Variants in TDRD1 observed in about 807,000 individuals in gnomAD.
TDRD1 encodes tudor domain-containing protein 1.
Under a neutral mutation model 140.6 loss-of-function variants are expected in TDRD1, and 37 were observed. The observed-to-expected ratio is 0.26, with a 90% CI of 0.20 to 0.35. TDRD1 has a LOEUF of 0.35. Ranked by LOEUF, TDRD1 falls within the 10% of genes least tolerant of loss-of-function variation. The pLI is 1.00. For missense variants in TDRD1, 1,243 were observed against 1,393.0 expected (o/e 0.89, Z 1.71); for synonymous variants, 506 against 475.7 (o/e 1.06, Z -0.83).
chr10:114,218,279 A>C (rs1237430039), intron 17 of TDRD1, 135 bp from the exon 18 acceptor site: 2 of 560,772 alleles, frequency 3.6e-6, no homozygotes, highest in Non-Finnish European at 6.0e-6. Context: ...ATTTTGAAAA[A>C]TGAAAGGCGT....
intron 6 of TDRD1, 136 bp downstream of exon 6, chr10:114,202,434 A>G: frequency 1.8e-6 from 1 of 553,968 alleles, no homozygotes; most frequent in Non-Finnish European, 3.0e-6. Context: ...TATGTACACC[A>G]TAGTGATACA....
rs957906452 is a variant in TDRD1 at position 114,202,213 on chromosome 10, A to T, written c.636-25A>T. On this transcript the variant is annotated intron_variant, in intron 5 of 25. Coordinates refer to ENST00000251864, the Ensembl canonical transcript of TDRD1. ...TGTTAATTGCCTCTGTAGTATAAAT[A>T]TTGTAATCTGTTGCTTTATTGCAGT... 8.8e-6 allele frequency: 14 copies of T among 1,583,200 alleles called. No homozygotes were observed. In the Admixed American group the frequency reaches 1.7e-4, roughly 20 times the overall value.
exon 9 of TDRD1, chr10:114,204,156 A>G: frequency 6.2e-7 from 1 of 1,601,822 alleles, no homozygotes. Context: ...GAAATGAAGA[A>G]ATAATTCCAT....
At chr10:114,209,597 T>G (rs1240721360) in intron 11 of TDRD1, among the ~76,000 whole-genome samples, 1 of 152,252 alleles carries the variant, frequency 6.6e-6, no homozygotes. Flanking sequence ...TTGGCTACTG[T>G]TTTGAGCCAA....
At chr10:114,189,693 A>G (rs949478317) in intron 2 of TDRD1, among the ~76,000 whole-genome samples, 2 of 152,144 alleles carry the variant, frequency 1.3e-5, no homozygotes, top group Non-Finnish European at 2.9e-5. Context: ...CTGGGCACAA[A>G]CGATCCTCCT....
At chr10:114,202,845 C>G (rs752331574) in intron 6 of TDRD1, among the ~76,000 whole-genome samples, 3 of 152,188 alleles carry the variant, frequency 2.0e-5, no homozygotes. Context: ...TAAAGTCAAC[C>G]TTCTCTTCAC....
At position 114,222,576 on chromosome 10, in the gene TDRD1, A is replaced by T. The variant is rs1344719974; in HGVS notation, c.2891-11A>T. ...ATTTTCTTCACAAAAGATTGCTTTTATATATTTTAGAAAATCAGGAAAAGC... is the reference window on the plus strand; with the variant it reads ...ATTTTCTTCACAAAAGATTGCTTTTTTATATTTTAGAAAATCAGGAAAAGC... On this transcript the variant is annotated splice_polypyrimidine_tract_variant and intron_variant, in intron 20 of 25. Coordinates refer to ENST00000251864, the Ensembl canonical transcript of TDRD1. 1 of 1,555,092 alleles carries T rather than the reference A, an allele frequency of 6.4e-7. No homozygotes were observed. The highest frequency in any genetic ancestry group is 8.8e-7 in the Non-Finnish European group (1 of 1,130,494).
At chr10:114,175,227 A>G (rs1490836725), upstream of TDRD1, among the ~76,000 whole-genome samples, 1 of 152,218 alleles carries the variant, frequency 6.6e-6, no homozygotes, top group Non-Finnish European at 1.5e-5. Context: ...CTAGGGAGAC[A>G]TTAATCCAAG....
In TDRD1 at chr10:114,221,493, T is replaced by G. The variant is rs568513337; in HGVS notation, c.2890+17T>G. On this transcript the variant is annotated intron_variant, in intron 20 of 25. Coordinates refer to ENST00000251864, the Ensembl canonical transcript of TDRD1. Reference sequence around the variant, plus strand: ...GGATGCCAGGTAAGAAACCAAAATTTGAGACATATTTATGCTCATCTTTTA... The same window carrying G: ...GGATGCCAGGTAAGAAACCAAAATTGGAGACATATTTATGCTCATCTTTTA... 1 of 1,609,492 alleles carries G rather than the reference T, an allele frequency of 6.2e-7. No homozygotes were observed. The highest frequency in any genetic ancestry group is 2.2e-5 in the East Asian group (1 of 44,752).
intron 1 of TDRD1, among the ~76,000 whole-genome samples, chr10:114,180,568 C>T (rs2032967791): frequency 2.0e-5 from 3 of 152,168 alleles, no homozygotes; most frequent in South Asian, 4.1e-4. Context: ...CGGGTTCAAG[C>T]GATTCTCCAG....
chr10:114,197,738 A>G (rs1459381757), intron 3 of TDRD1, among the ~76,000 whole-genome samples: 4 of 150,776 alleles, frequency 2.7e-5, no homozygotes, highest in Non-Finnish European at 5.9e-5. Context: ...GCTCACTGCA[A>G]CCTCCGCCTC....
chr10:114,214,448 CCAAGAACT>C (rs2035680609), intron 16 of TDRD1, among the ~76,000 whole-genome samples: 1 of 152,110 alleles, frequency 6.6e-6, no homozygotes, highest in African/African-American at 2.4e-5. Context: ...GATGACGAGG[CCAAGAACT>C]CAAGGGTGCG....
intron 16 of TDRD1, among the ~76,000 whole-genome samples, chr10:114,217,257 T>C (rs2035869014): frequency 6.6e-6 from 1 of 152,216 alleles, no homozygotes. Flanking sequence ...GTATGCTGTT[T>C]TCTTATCTCC....
At chr10:114,187,900 A>G in exon 2 of TDRD1, 1 of 1,612,570 alleles carries the variant, frequency 6.2e-7, no homozygotes, top group Non-Finnish European at 8.5e-7. Flanking sequence ...GTAAGATGAC[A>G]GAGCCATTTA....
chr10:114,216,387 T>C (rs1156484546), intron 16 of TDRD1, among the ~76,000 whole-genome samples: 1 of 152,176 alleles, frequency 6.6e-6, no homozygotes, highest in Non-Finnish European at 1.5e-5. Flanking sequence ...CTCACAAACA[T>C]TGTGTTTTTT....
chr10:114,215,254 T>C (rs778751014), intron 16 of TDRD1, among the ~76,000 whole-genome samples: 7 of 152,194 alleles, frequency 4.6e-5, no homozygotes, highest in Non-Finnish European at 1.0e-4. Context: ...CTGTATCTTA[T>C]TTTTCCTTGC....
At chr10:114,217,725 C>T (rs750460349) in intron 17 of TDRD1, 70 bp downstream of exon 17, 7 of 787,394 alleles carry the variant, frequency 8.9e-6, no homozygotes, top group African/African-American at 1.8e-5. Flanking sequence ...ATTTTTAGTG[C>T]ACATTTTCTT....
rs961295285 is a variant in TDRD1, at chr10:114,203,369, T to G, written c.802-19T>G. Reference sequence around the variant, plus strand: ...TGTGTGCCTTATGAATTATTCCTCTTTTTTTTTATCTTTGAAAGGGTACGG... The same window carrying G: ...TGTGTGCCTTATGAATTATTCCTCTGTTTTTTTATCTTTGAAAGGGTACGG... On this transcript the variant is annotated intron_variant, in intron 7 of 25. Transcript: ENST00000251864. 2.0e-6 allele frequency: 3 copies of G among 1,495,594 alleles called. No individual in the cohort carries two copies. In the South Asian group the frequency reaches 3.7e-5, roughly 18 times the overall value. The allele number at this position is 1,495,594 out of a possible 1,614,324, so 92.6% of individuals were successfully genotyped here.
intron 3 of TDRD1, among the ~76,000 whole-genome samples, chr10:114,196,071 A>T (rs77951414): frequency 1.6e-4 from 25 of 152,336 alleles, no homozygotes; most frequent in Admixed American, 1.2e-3. Flanking sequence ...GCCTTCAGAC[A>T]GTTTATCATT....
Sources: gnomAD v4.1 joint callset for allele counts (sites outside exome capture counted in the v4.1 genomes callset) on GRCh38, gnomAD v4.1.1 for gene constraint, MANE v1.5 for transcripts, NCBI Gene and HGNC (gene_info 2026-07-23, HGNC 2026-07-21) for gene names.